The following RBM47 variants were observed in gnomAD, a reference collection of about 807,000 sequenced individuals.
The protein encoded by RBM47 is RNA-binding protein 47.
A neutral mutation model predicts 47.1 loss-of-function variants in RBM47; 21 were observed. The ratio of observed to expected loss-of-function variants is 0.45; its 90% CI spans 0.32 to 0.64. The LOEUF (loss-of-function observed/expected upper bound fraction) is 0.64, where lower values mean the gene tolerates loss of function less well. Among genes scored for constraint, RBM47 ranks in the 30% least tolerant of loss-of-function variants. The probability of loss-of-function intolerance (pLI) is 0.05; values close to 1 mark genes in which losing one functional copy is unlikely to be tolerated. For missense variants in RBM47, 708 were observed against 870.9 expected, an observed-to-expected ratio of 0.81 and a Z score of 2.35; for synonymous variants, 375 against 361.7, an observed-to-expected ratio of 1.04 and a Z score of -0.42.
intron 3 of RBM47, among the ~76,000 whole-genome samples, chr4:40,448,832 C>G (rs1174674085): frequency 6.6e-6 from 1 of 151,984 alleles, no homozygotes; most frequent in Non-Finnish European, 1.5e-5. Context: ...AGAGGAGTCT[C>G]TCACAAAAGT....
chr4:40,612,474 T>C (rs1343529585), intron 1 of RBM47, among the ~76,000 whole-genome samples: 1 of 152,174 alleles, frequency 6.6e-6, no homozygotes, highest in Non-Finnish European at 1.5e-5. Flanking sequence ...ATCGCACCAC[T>C]GCACTTGCAC....
rs142691111 is a variant in RBM47 at position 40,426,134 on chromosome 4, T to C, written c.1552A>G (p.Ile518Val). The change falls in exon 7 of 7, where the codon ATA becomes GTA. Residue 518 changes from isoleucine (I) to valine (V), a missense_variant. Physicochemically the swap from Ile to Val is conservative, Grantham distance 29. Transcript: ENST00000295971. ...STPPPFQGRP[I>V]TPVYTVAPNV... ...GGAGCCACCGTGTATACTGGAGTTA[T>C]TGGGCGGCCCTGAGGAGAAGAGACA... 75 of 1,614,084 alleles carry C rather than the reference T, an allele frequency of 4.6e-5. No homozygotes were observed. The African/African-American group carries it at 7.5e-4, about 16-fold the overall frequency.
rs569326174 is a variant in RBM47 at position 40,424,297 on chromosome 4, C to T, written c.*1607G>A. 2.9e-4 allele frequency: 45 copies of T among 152,726 alleles called. No individual in the cohort carries two copies. The highest frequency in any genetic ancestry group is 1.1e-3 in the African/African-American group (44 of 41,570). The allele number at this position is 152,726 out of a possible 1,614,324, so 9.5% of individuals were successfully genotyped here. A position where few individuals can be genotyped will look rare whatever the true frequency, so the allele number is the denominator to read the frequency against. On this transcript the variant is annotated 3_prime_UTR_variant, in exon 7 of 7. Transcript: ENST00000295971. ...ACTTGCTACCTTATTGCACACCTCA[C>T]TTCCTTGATTGAGCCTTTAAAAAAC... is the stretch of plus-strand genomic sequence containing the variant.
At chr4:40,561,019 T>C (rs1349523939) in intron 1 of RBM47, among the ~76,000 whole-genome samples, 1 of 151,846 alleles carries the variant, frequency 6.6e-6, no homozygotes, top group Non-Finnish European at 1.5e-5. Flanking sequence ...ATTTCCCACA[T>C]TCTTAGCACT....
At chr4:40,470,922 T>C (rs1480047469) in intron 2 of RBM47, among the ~76,000 whole-genome samples, 1 of 152,144 alleles carries the variant, frequency 6.6e-6, no homozygotes, top group Non-Finnish European at 1.5e-5. Flanking sequence ...TTTGTATTTT[T>C]AGTAGAGGCA....
At chr4:40,526,305 C>T (rs1248145666) in intron 2 of RBM47, among the ~76,000 whole-genome samples, 1 of 152,174 alleles carries the variant, frequency 6.6e-6, no homozygotes. Flanking sequence ...TCCCCGCCAG[C>T]CTGGCTGCCC....
intron 2 of RBM47, among the ~76,000 whole-genome samples, chr4:40,507,514 C>T (rs1334300072): frequency 1.3e-5 from 2 of 152,116 alleles, no homozygotes; most frequent in African/African-American, 2.4e-5. Flanking sequence ...TACGGCTGGG[C>T]GCGGTGGCTC....
At chr4:40,563,424 CTG>C (rs1328063063) in intron 1 of RBM47, among the ~76,000 whole-genome samples, 1 of 105,828 alleles carries the variant, frequency 9.4e-6, no homozygotes, top group Non-Finnish European at 1.7e-5. Context: ...AAATCAAACT[CTG>C]TGCTTGTATT....
chr4:40,437,090 A>AAAAAAAAT (rs1256296949), intron 4 of RBM47, among the ~76,000 whole-genome samples: 2 of 49,804 alleles, frequency 4.0e-5, no homozygotes, highest in African/African-American at 2.2e-4. Context: ...AAAAAAAAAA[A>AAAAAAAAT]ATATATATAT....
At chr4:40,432,911 G>C in intron 5 of RBM47, 49 bp from the exon 6 acceptor site, 1 of 1,605,150 alleles carries the variant, frequency 6.2e-7, no homozygotes, top group South Asian at 1.1e-5. Context: ...TTCAGTCGCT[G>C]AGTGGGGTCC....
chr4:40,471,580 C>T (rs573554625), intron 2 of RBM47, among the ~76,000 whole-genome samples: 16 of 151,772 alleles, frequency 1.1e-4, no homozygotes, highest in Admixed American at 3.3e-4. Context: ...ACCTGTAATC[C>T]TAGCTACTCA....
At chr4:40,538,699 C>A (rs1295410302) in intron 2 of RBM47, among the ~76,000 whole-genome samples, 3 of 151,906 alleles carry the variant, frequency 2.0e-5, no homozygotes, top group African/African-American at 7.3e-5. Context: ...TGGAGTGGCA[C>A]AATCTTGGTT....
intron 2 of RBM47, among the ~76,000 whole-genome samples, chr4:40,525,283 C>G (rs553573822): frequency 6.6e-6 from 1 of 152,062 alleles, no homozygotes; most frequent in Admixed American, 6.6e-5. Context: ...ACTAAAAATA[C>G]GAAAATTAGC....
In RBM47 at chr4:40,562,052, A is replaced by C. The variant is rs567068671; in HGVS notation, c.-239-17546T>G. 4.6e-5 allele frequency among the ~76,000 whole-genome samples: 7 copies of C among 152,288 alleles called. No individual in the cohort carries two copies. The East Asian group carries it at 1.2e-3, about 25-fold the overall frequency. On this transcript the variant is annotated intron_variant, in intron 1 of 6. Transcript: ENST00000295971. ...ATTTTAAAAAGCTATTATTAAATCA[A>C]TTGCATGTTTTACAATCAGTACCCC... is the stretch of plus-strand genomic sequence containing the variant.
At chr4:40,478,931 TTATTG>T (rs1720015627) in intron 2 of RBM47, among the ~76,000 whole-genome samples, 1 of 152,262 alleles carries the variant, frequency 6.6e-6, no homozygotes, top group Admixed American at 6.5e-5. Context: ...CTGAAACTGT[TTATTG>T]TATTAACACA....
chr4:40,455,344 A>G (rs1577675510), intron 3 of RBM47: 2 of 152,210 alleles, frequency 1.3e-5, no homozygotes, highest in Admixed American at 6.5e-5. Context: ...CTCGCTTCCT[A>G]TCTCTTGACT....
At position 40,436,524 on chromosome 4, in the gene RBM47, C is replaced by T; in HGVS notation, c.1247G>A (p.Gly416Glu). 2.5e-6 allele frequency: 4 copies of T among 1,614,204 alleles called. No homozygotes were observed. Among genetic ancestry groups the T allele is most frequent in the South Asian group, 1.1e-5 (1 of 91,084 alleles). Residue 416 changes from glycine (G) to glutamate (E), a missense_variant, in exon 5 of 7, where the codon GGA becomes GAA. Transcript: ENST00000295971. ...TTCATATCCTTTTTCTTGCTGCTTT[C>T]CTTTCCCTTCATGATATCGGCTATA... Reference protein sequence around the residue: ...GIYSRYHEGKGKQQEKGYELV... With the variant: ...GIYSRYHEGKEKQQEKGYELV...
chr4:40,625,900 G>C (rs79285452), intron 1 of RBM47, among the ~76,000 whole-genome samples: 6 of 152,214 alleles, frequency 3.9e-5, no homozygotes, highest in Admixed American at 3.3e-4. Context: ...GGGTTTTCAG[G>C]GTTACACTAG....
chr4:40,568,092 G>C (rs1225312150), intron 1 of RBM47, among the ~76,000 whole-genome samples: 3 of 151,552 alleles, frequency 2.0e-5, no homozygotes, highest in Non-Finnish European at 4.4e-5. Context: ...CAGCCTGGGT[G>C]ACCGAGCGAG....
Sources: gnomAD v4.1 joint callset for allele counts (sites outside exome capture counted in the v4.1 genomes callset) on GRCh38, gnomAD v4.1.1 for gene constraint, MANE v1.5 for transcripts, NCBI Gene and HGNC (gene_info 2026-07-23, HGNC 2026-07-21) for gene names.